The following OR2L13 variants were observed in gnomAD, a reference collection of about 807,000 sequenced individuals.
OR2L13 encodes the protein olfactory receptor family 2 subfamily L member 13, also known as olfactory receptor 2L13.
In OR2L13, 14 loss-of-function variants were observed where a neutral mutation model predicts 15.3. The ratio of observed to expected loss-of-function variants is 0.91; its 90% CI spans 0.60 to 1.43. OR2L13 has a LOEUF of 1.43. Among genes scored for constraint, OR2L13 ranks in the 40% most tolerant of loss-of-function variants. The probability of loss-of-function intolerance (pLI) is 0.00; values close to 1 mark genes in which losing one functional copy is unlikely to be tolerated. For missense variants in OR2L13, 367 were observed against 387.9 expected (o/e 0.95, Z 0.45); for synonymous variants, 152 against 142.9 (o/e 1.06, Z -0.45).
chr1:248,058,377 C>T, the OR2L13 span, among the ~76,000 whole-genome samples: 11 of 152,190 alleles, frequency 7.2e-5, no homozygotes, highest in African/African-American at 2.7e-4. Flanking sequence ...CTGCTCCCTC[C>T]TCCGTCATCA....
At chr1:248,027,209 G>A in the OR2L13 span, among the ~76,000 whole-genome samples, 16 of 152,284 alleles carry the variant, frequency 1.1e-4, no homozygotes, top group African/African-American at 3.1e-4. Context: ...CCAGTCTCCT[G>A]TAGTGCTCCC....
the OR2L13 span, among the ~76,000 whole-genome samples, chr1:248,019,433 C>T: frequency 1.3e-5 from 2 of 152,104 alleles, no homozygotes; most frequent in Non-Finnish European, 1.5e-5. Flanking sequence ...AATCGAGAAG[C>T]CTCTCAATCA....
At chr1:247,999,232 T>C in the OR2L13 span, among the ~76,000 whole-genome samples, 2 of 152,166 alleles carry the variant, frequency 1.3e-5, no homozygotes, top group African/African-American at 4.8e-5. Context: ...ATGGAGCCTC[T>C]GTCCCTTGAA....
At chr1:247,983,561 ATTTTTAT>A in the OR2L13 span, among the ~76,000 whole-genome samples, 7 of 141,502 alleles carry the variant, frequency 4.9e-5, no homozygotes, top group East Asian at 1.5e-3. Context: ...ATTTGGATTT[ATTTTTAT>A]CTAAGAAAAA....
the OR2L13 span, among the ~76,000 whole-genome samples, chr1:247,970,886 A>G: frequency 9.2e-5 from 14 of 152,164 alleles, no homozygotes; most frequent in Non-Finnish European, 2.1e-4. Context: ...GCAGGAGGAG[A>G]CAGGTCAGCT....
the OR2L13 span, chr1:248,038,425 A>G: frequency 1.4e-5 from 22 of 1,613,682 alleles, no homozygotes; most frequent in African/African-American, 2.7e-5. Context: ...TTGGACATCC[A>G]TCTCCACACA....
the OR2L13 span, among the ~76,000 whole-genome samples, chr1:248,048,142 G>T: frequency 2.0e-5 from 3 of 152,134 alleles, no homozygotes; most frequent in Admixed American, 6.5e-5. Flanking sequence ...ATGTCTGTCT[G>T]CCCACTTACC....
chr1:247,947,086 T>C, the OR2L13 span, among the ~76,000 whole-genome samples: 7 of 152,200 alleles, frequency 4.6e-5, no homozygotes, highest in Non-Finnish European at 8.8e-5. Context: ...TTTCTTACTT[T>C]GTCTTTTGAA....
exon 3 of OR2L13, chr1:248,099,473 T>C: frequency 6.2e-7 from 1 of 1,613,968 alleles, no homozygotes; most frequent in Non-Finnish European, 8.5e-7. Flanking sequence ...ATCATCCTCA[T>C]ATTCTTTCTG....
chr1:247,941,080 G>A, the OR2L13 span, among the ~76,000 whole-genome samples: 513 of 152,038 alleles, frequency 3.4e-3, 2 homozygotes, highest in African/African-American at 0.011. Context: ...TGTACTTTGT[G>A]CATTTTTTAA....
chr1:247,965,597 T>C, the OR2L13 span: 1 of 1,579,982 alleles, frequency 6.3e-7, no homozygotes, highest in Non-Finnish European at 8.6e-7. Context: ...CTCATGTACA[T>C]CTCCACCACA....
At chr1:247,981,712 A>G in the OR2L13 span, among the ~76,000 whole-genome samples, 1 of 151,256 alleles carries the variant, frequency 6.6e-6, no homozygotes, top group African/African-American at 2.5e-5. Flanking sequence ...TTTGATGTTG[A>G]GGGCACTGAT....
the OR2L13 span, among the ~76,000 whole-genome samples, chr1:248,018,141 C>T: frequency 8.1e-5 from 12 of 147,642 alleles, 1 homozygote; most frequent in Middle Eastern, 0.025. Flanking sequence ...GGCGACAGAG[C>T]GACTCCATCT....
At chr1:247,953,167 A>G in the OR2L13 span, among the ~76,000 whole-genome samples, 1 of 152,198 alleles carries the variant, frequency 6.6e-6, no homozygotes, top group African/African-American at 2.4e-5. Flanking sequence ...TAATTTTGAA[A>G]GTTGGACGAT....
chr1:248,011,783 C>G, the OR2L13 span, among the ~76,000 whole-genome samples: 1 of 152,100 alleles, frequency 6.6e-6, no homozygotes, highest in Non-Finnish European at 1.5e-5. Flanking sequence ...TGGTCTGTTA[C>G]CACTCCATGG....
chr1:248,022,104 C>T, the OR2L13 span: 2 of 1,613,882 alleles, frequency 1.2e-6, no homozygotes, highest in Non-Finnish European at 1.7e-6. Flanking sequence ...CTTGGACACC[C>T]ATCTCCACAC....
the OR2L13 span, among the ~76,000 whole-genome samples, chr1:248,017,314 T>A: frequency 2.2e-4 from 33 of 152,336 alleles, no homozygotes; most frequent in East Asian, 5.8e-3. Context: ...CTGAAACAGA[T>A]GTATAATGGC....
At chr1:248,083,612 T>A in the OR2L13 span, 8 of 1,325,198 alleles carry the variant, frequency 6.0e-6, no homozygotes, top group African/African-American at 1.0e-4. Flanking sequence ...ATTCAGGAAC[T>A]TAGAGTCATT....
At position 248,098,740 on chromosome 1, in the gene OR2L13, G is replaced by GCA. The variant is rs1664786306; in HGVS notation, c.-47_-46dup. 6.6e-6 allele frequency: 1 copy of GCA among 152,270 alleles called. No individual in the cohort carries two copies. The highest frequency in any genetic ancestry group is 1.5e-5 in the Non-Finnish European group (1 of 68,122). The allele number at this position is 152,270 out of a possible 1,614,324, so 9.4% of individuals were successfully genotyped here. On this transcript the variant is annotated 5_prime_UTR_variant, in exon 2 of 3. An upstream open reading frame in the 5' UTR gains an earlier in-frame stop. Coordinates refer to ENST00000641714, the Ensembl canonical transcript of OR2L13. ...ATCAGTGTCTGCCTCAGACAGAAGA[G>GCA]CACACACAAAACATGACCTCTCACT...
Sources: allele counts gnomAD v4.1 joint callset (sites outside exome capture counted in the v4.1 genomes callset), GRCh38; gene constraint gnomAD v4.1.1; transcripts MANE v1.5; gene names NCBI Gene and HGNC (gene_info 2026-07-23, HGNC 2026-07-21).